Variants in CADPS2 observed in about 807,000 individuals in gnomAD.
The protein encoded by CADPS2 is calcium dependent secretion activator 2.
Under a neutral mutation model 172.5 loss-of-function variants are expected in CADPS2, and 93 were observed. That is an observed-to-expected ratio of 0.54 (90% CI 0.46 to 0.64). The LOEUF is 0.64. CADPS2 is among the 30% of genes least tolerant of loss of function. The probability of loss-of-function intolerance (pLI) is 0.00; values close to 1 mark genes in which losing one functional copy is unlikely to be tolerated. For missense variants in CADPS2, 1,420 were observed against 1,565.9 expected, an observed-to-expected ratio of 0.91 and a Z score of 1.57; for synonymous variants, 546 against 555.2, an observed-to-expected ratio of 0.98 and a Z score of 0.23.
intron 2 of CADPS2, chr7:122,697,754 A>G (rs1200164305): frequency 6.8e-7 from 1 of 1,471,280 alleles, no homozygotes; most frequent in East Asian, 2.3e-5. Flanking sequence ...GATTTCACAT[A>G]CAGGTTTAAT....
intron 25 of CADPS2, among the ~76,000 whole-genome samples, chr7:122,374,090 T>C (rs58812629): frequency 0.029 from 4,427 of 152,200 alleles, 222 homozygotes; most frequent in African/African-American, 0.1. Flanking sequence ...TCCAAGGATG[T>C]TTGAATATAA....
At chr7:122,615,091 A>T in intron 6 of CADPS2, 90 bp downstream of exon 6, 1 of 700,666 alleles carries the variant, frequency 1.4e-6, no homozygotes, top group Non-Finnish European at 2.3e-6. Context: ...GGGTAATACC[A>T]CACATTTATG....
chr7:122,853,839 G>A (rs1267719602), intron 1 of CADPS2, among the ~76,000 whole-genome samples: 6 of 152,194 alleles, frequency 3.9e-5, no homozygotes, highest in Non-Finnish European at 8.8e-5. Context: ...GGGAGCAGGA[G>A]AAAAGGTAGA....
At chr7:122,862,419 T>C (rs1291465151) in intron 1 of CADPS2, among the ~76,000 whole-genome samples, 1 of 152,200 alleles carries the variant, frequency 6.6e-6, no homozygotes, top group African/African-American at 2.4e-5. Context: ...ACAGGAGATT[T>C]ATCCCTAGCC....
At chr7:122,574,799 A>T (rs1333666379) in intron 7 of CADPS2, among the ~76,000 whole-genome samples, 1 of 152,160 alleles carries the variant, frequency 6.6e-6, no homozygotes, top group East Asian at 1.9e-4. Flanking sequence ...ATTTTTTTTA[A>T]ATCTATGAAT....
intron 5 of CADPS2, among the ~76,000 whole-genome samples, chr7:122,617,271 G>A (rs1227983515): frequency 6.6e-6 from 1 of 152,128 alleles, no homozygotes. Context: ...TACAGCTTCT[G>A]TGATGAATCT....
intron 8 of CADPS2, among the ~76,000 whole-genome samples, chr7:122,541,777 A>G: frequency 7.0e-6 from 1 of 141,914 alleles, no homozygotes; most frequent in African/African-American, 2.5e-5. Flanking sequence ...ATATTCACAT[A>G]TATTCATATA....
At chr7:122,519,511 A>C (rs1423607034) in intron 8 of CADPS2, among the ~76,000 whole-genome samples, 1 of 152,126 alleles carries the variant, frequency 6.6e-6, no homozygotes, top group Admixed American at 6.6e-5. Context: ...TGAAGCATTT[A>C]GTTCTATCAG....
intron 2 of CADPS2, among the ~76,000 whole-genome samples, chr7:122,695,063 T>C (rs2084896002): frequency 6.6e-6 from 1 of 152,178 alleles, no homozygotes; most frequent in Admixed American, 6.5e-5. Context: ...TGCAAATAAA[T>C]AGCTGACTAA....
intron 19 of CADPS2, chr7:122,409,569 C>G (rs1311869938): frequency 1.3e-5 from 6 of 451,534 alleles, no homozygotes; most frequent in South Asian, 6.5e-5. Context: ...AAGTTGTACT[C>G]CTGATGATGC....
chr7:122,406,910 C>G (rs1467546928), intron 20 of CADPS2, among the ~76,000 whole-genome samples: 1 of 152,070 alleles, frequency 6.6e-6, no homozygotes, highest in Admixed American at 6.5e-5. Context: ...CCTAGGAATC[C>G]GTATGTTAAA....
intron 29 of CADPS2, among the ~76,000 whole-genome samples, chr7:122,324,453 G>A (rs1363334427): frequency 6.6e-6 from 1 of 152,118 alleles, no homozygotes; most frequent in Admixed American, 6.5e-5. Flanking sequence ...ACCATCTGGA[G>A]GACTTGTTAA....
chr7:122,720,519 CAT>C (rs1342226118), intron 2 of CADPS2, among the ~76,000 whole-genome samples: 6 of 150,064 alleles, frequency 4.0e-5, no homozygotes, highest in Non-Finnish European at 7.4e-5. Context: ...AGTATATATA[CAT>C]ATGTGTATGC....
At chr7:122,745,258 C>T (rs2092674676) in intron 1 of CADPS2, among the ~76,000 whole-genome samples, 1 of 151,898 alleles carries the variant, frequency 6.6e-6, no homozygotes. Context: ...TTTCATCCCA[C>T]ATAATTGAAA....
chr7:122,384,983 A>G (rs1346360361), intron 24 of CADPS2, among the ~76,000 whole-genome samples: 1 of 152,098 alleles, frequency 6.6e-6, no homozygotes, highest in African/African-American at 2.4e-5. Flanking sequence ...ATGTTAAAAT[A>G]AGAACAAACG....
intron 2 of CADPS2, among the ~76,000 whole-genome samples, chr7:122,689,609 C>A (rs1217069045): frequency 6.6e-6 from 1 of 152,190 alleles, no homozygotes; most frequent in African/African-American, 2.4e-5. Flanking sequence ...CAGTGGCAGG[C>A]ACATGGGGCC....
chr7:122,737,756 AT>A (rs1235628808), intron 1 of CADPS2, among the ~76,000 whole-genome samples: 16 of 152,270 alleles, frequency 1.1e-4, no homozygotes, highest in African/African-American at 3.6e-4. Flanking sequence ...AATATTAATA[AT>A]ATTATACAAA....
intron 25 of CADPS2, among the ~76,000 whole-genome samples, chr7:122,369,427 A>G (rs898370070): frequency 1.3e-5 from 2 of 152,042 alleles, no homozygotes; most frequent in Non-Finnish European, 2.9e-5. Flanking sequence ...CACTGCGCCC[A>G]GTCTTCCCCT....
chr7:122,606,955 G>A (rs1169963910), intron 6 of CADPS2, among the ~76,000 whole-genome samples: 1 of 152,088 alleles, frequency 6.6e-6, no homozygotes, highest in Non-Finnish European at 1.5e-5. Flanking sequence ...GGCAGTGGGA[G>A]AACTGCTAAG....
Sources: allele counts gnomAD v4.1 joint callset (sites outside exome capture counted in the v4.1 genomes callset), GRCh38; gene constraint gnomAD v4.1.1; transcripts MANE v1.5; gene names NCBI Gene and HGNC (gene_info 2026-07-23, HGNC 2026-07-21).